GPR158: variants seen among roughly 807,000 people sequenced by gnomAD.
The protein encoded by GPR158 is G protein-coupled receptor 158.
Under a neutral mutation model 78.2 loss-of-function variants are expected in GPR158, and 30 were observed. The ratio of observed to expected loss-of-function variants is 0.38; its 90% CI spans 0.29 to 0.52. The LOEUF is 0.52. Among genes scored for constraint, GPR158 ranks in the 20% least tolerant of loss-of-function variants. The pLI, the probability that GPR158 is intolerant of heterozygous loss-of-function variation, is 0.83. For missense variants in GPR158, 1,463 were observed against 1,523.5 expected (o/e 0.96, Z 0.66); for synonymous variants, 581 against 591.1 (o/e 0.98, Z 0.25).
chr10:25,420,889 CAGAA>C (rs1484265896), intron 4 of GPR158, among the ~76,000 whole-genome samples: 4 of 152,112 alleles, frequency 2.6e-5, no homozygotes, highest in Admixed American at 6.6e-5. Context: ...ATTTTGAAAT[CAGAA>C]AGAGTGAGGC....
At chr10:25,522,960 T>C (rs1836298450) in intron 5 of GPR158, among the ~76,000 whole-genome samples, 1 of 152,158 alleles carries the variant, frequency 6.6e-6, no homozygotes, top group South Asian at 2.1e-4. Flanking sequence ...AAAAGTAAAA[T>C]TGTATTTAAA....
intron 2 of GPR158, among the ~76,000 whole-genome samples, chr10:25,380,756 G>A (rs1265472480): frequency 2.6e-5 from 4 of 152,110 alleles, no homozygotes; most frequent in Non-Finnish European, 5.9e-5. Context: ...ATAAGAAACG[G>A]ATTCAAGGAA....
chr10:25,534,465 C>T (rs1048937748), intron 5 of GPR158, among the ~76,000 whole-genome samples: 9 of 151,722 alleles, frequency 5.9e-5, no homozygotes, highest in Non-Finnish European at 1.2e-4. Context: ...GATAAAACCC[C>T]GTCTGTACTA....
chr10:25,342,715 T>C (rs1237038821), intron 2 of GPR158, among the ~76,000 whole-genome samples: 1 of 151,918 alleles, frequency 6.6e-6, no homozygotes, highest in Non-Finnish European at 1.5e-5. Context: ...CAGAGATTAG[T>C]ACCTCTTTTC....
intron 6 of GPR158, among the ~76,000 whole-genome samples, chr10:25,567,899 T>C (rs1447090707): frequency 3.9e-5 from 6 of 152,114 alleles, no homozygotes; most frequent in Admixed American, 3.9e-4. Context: ...AGGAATGAGT[T>C]GGTGGCCAGG....
At chr10:25,504,961 C>G (rs1265042526) in intron 5 of GPR158, among the ~76,000 whole-genome samples, 4 of 152,176 alleles carry the variant, frequency 2.6e-5, no homozygotes, top group Non-Finnish European at 4.4e-5. Flanking sequence ...AATTCAACTG[C>G]AGCACCTACT....
At chr10:25,272,704 A>T (rs930375390) in intron 2 of GPR158, among the ~76,000 whole-genome samples, 45 of 152,212 alleles carry the variant, frequency 3.0e-4, no homozygotes, top group African/African-American at 1.1e-3. Context: ...AACAGTCAAG[A>T]TACACTAGGA....
Position 25,241,182 on chromosome 10 carries a change from TTTCTTTCC to T in GPR158, c.1008+20028_1008+20035del, listed in dbSNP as rs1853608103. The stretch of plus-strand genomic sequence containing the variant: ...CTTTCTTTCTTTCTTTCTTTCTTTC[TTTCTTTCC>T]TTTCTTTCTTTCCTTTCTTTCCTTT... On this transcript the variant is annotated intron_variant, in intron 2 of 10. Coordinates refer to ENST00000376351, the MANE Select transcript of GPR158 (RefSeq NM_020752.3). Among the ~76,000 whole-genome samples, 5 of 108,422 alleles carry T rather than the reference TTTCTTTCC, an allele frequency of 4.6e-5. 1 individual carries two copies. In the South Asian group the frequency reaches 1.2e-3, roughly 27 times the overall value. The allele number at this position is 108,422 out of a possible 152,430, so 71.1% of individuals were successfully genotyped here.
chr10:25,360,874 T>C (rs1042248899), intron 2 of GPR158, among the ~76,000 whole-genome samples: 1 of 152,120 alleles, frequency 6.6e-6, no homozygotes, highest in Non-Finnish European at 1.5e-5. Context: ...TTTCATGATA[T>C]TGATTCTTCC....
At chr10:25,432,231 T>C (rs1426389947) in intron 4 of GPR158, among the ~76,000 whole-genome samples, 1 of 152,202 alleles carries the variant, frequency 6.6e-6, no homozygotes, top group Admixed American at 6.5e-5. Flanking sequence ...ATATATTCTC[T>C]ATTTCCACGA....
intron 1 of GPR158, among the ~76,000 whole-genome samples, chr10:25,211,320 C>T (rs1272107335): frequency 6.6e-6 from 1 of 152,108 alleles, no homozygotes; most frequent in African/African-American, 2.4e-5. Context: ...ATTTGGCTCA[C>T]AATAAATGAT....
chr10:25,444,311 GTA>G (rs1554804490), intron 4 of GPR158, among the ~76,000 whole-genome samples: 16 of 151,794 alleles, frequency 1.1e-4, no homozygotes, highest in Non-Finnish European at 2.9e-5. Context: ...GTGCATGACT[GTA>G]TGTGTGGGTG....
intron 2 of GPR158, among the ~76,000 whole-genome samples, chr10:25,313,025 G>A (rs1474113819): frequency 6.6e-6 from 1 of 151,840 alleles, no homozygotes; most frequent in Non-Finnish European, 1.5e-5. Flanking sequence ...ATCCTTTGGG[G>A]TTTGCATACC....
chr10:25,568,988 G>C (rs1236723275), intron 6 of GPR158, among the ~76,000 whole-genome samples: 2 of 152,070 alleles, frequency 1.3e-5, no homozygotes, highest in African/African-American at 4.8e-5. Flanking sequence ...CTTTTTTATA[G>C]TCTGACCTCT....
At chr10:25,335,187 G>T (rs1006026223) in intron 2 of GPR158, among the ~76,000 whole-genome samples, 4 of 152,022 alleles carry the variant, frequency 2.6e-5, no homozygotes, top group Admixed American at 6.6e-5. Context: ...AACAGAGAGA[G>T]AGCAAATGAG....
intron 5 of GPR158, among the ~76,000 whole-genome samples, chr10:25,513,430 A>G (rs111593978): frequency 0.044 from 6,689 of 151,068 alleles, 312 homozygotes; most frequent in African/African-American, 0.12. Context: ...TTCTTGGTTA[A>G]TCTCACTAAC....
intron 5 of GPR158, among the ~76,000 whole-genome samples, chr10:25,537,496 C>G (rs1836516083): frequency 6.6e-6 from 1 of 151,932 alleles, no homozygotes; most frequent in African/African-American, 2.4e-5. Context: ...ATGTCTAATA[C>G]TAAAACCAGA....
At chr10:25,380,013 T>G (rs1474031645) in intron 2 of GPR158, among the ~76,000 whole-genome samples, 1 of 152,074 alleles carries the variant, frequency 6.6e-6, no homozygotes, top group Non-Finnish European at 1.5e-5. Context: ...GTTCTAATTG[T>G]TTTGGTAGGT....
At chr10:25,545,683 T>A (rs1179144357) in intron 5 of GPR158, among the ~76,000 whole-genome samples, 1 of 152,138 alleles carries the variant, frequency 6.6e-6, no homozygotes, top group African/African-American at 2.4e-5. Context: ...CAAACCTAGA[T>A]CCGAATTCGA....
Sources: allele counts gnomAD v4.1 joint callset (sites outside exome capture counted in the v4.1 genomes callset), GRCh38; gene constraint gnomAD v4.1.1; transcripts MANE v1.5; gene names NCBI Gene and HGNC (gene_info 2026-07-23, HGNC 2026-07-21).